Variants in NRXN3 observed in about 807,000 individuals in gnomAD.
NRXN3 encodes neurexin 3.
Under a neutral mutation model 137.6 loss-of-function variants are expected in NRXN3, and 32 were observed. The observed-to-expected ratio is 0.23, with a 90% confidence interval of 0.18 to 0.31. The LOEUF (loss-of-function observed/expected upper bound fraction) is 0.31. Among genes scored for constraint, NRXN3 ranks in the 10% least tolerant of loss-of-function variants. The probability of loss-of-function intolerance (pLI) is 1.00; values close to 1 mark genes in which losing one functional copy is unlikely to be tolerated. For missense variants in NRXN3, 1,574 were observed against 2,062.5 expected (o/e 0.76, Z 4.59); for synonymous variants, 798 against 784.5 (o/e 1.02, Z -0.29).
chr14:78,749,860 T>C (rs1385843728), intron 8 of NRXN3, among the ~76,000 whole-genome samples: 2 of 152,208 alleles, frequency 1.3e-5, no homozygotes, highest in Non-Finnish European at 2.9e-5. Context: ...CTTGTTCTAG[T>C]AAGTGGTGTG....
chr14:79,653,569 G>A (rs190404680), intron 16 of NRXN3, among the ~76,000 whole-genome samples: 1 of 152,112 alleles, frequency 6.6e-6, no homozygotes, highest in Non-Finnish European at 1.5e-5. Flanking sequence ...CTCTGCATCT[G>A]CAGCTGACCT....
chr14:78,978,913 G>A (rs552498136), intron 14 of NRXN3, among the ~76,000 whole-genome samples: 2 of 151,982 alleles, frequency 1.3e-5, no homozygotes. Context: ...AATGGGGGTG[G>A]CAGGGGCAGA....
chr14:78,310,568 GC>G (rs1276931477), intron 4 of NRXN3, among the ~76,000 whole-genome samples: 1 of 151,952 alleles, frequency 6.6e-6, no homozygotes, highest in Non-Finnish European at 1.5e-5. Context: ...AAATGCCTTG[GC>G]CCAAATTGTT....
At chr14:79,822,018 A>G (rs1196692529) in intron 20 of NRXN3, among the ~76,000 whole-genome samples, 2 of 152,152 alleles carry the variant, frequency 1.3e-5, no homozygotes, top group African/African-American at 4.8e-5. Flanking sequence ...TCTACTGGAC[A>G]TTGTTGCCAT....
intron 13 of NRXN3, among the ~76,000 whole-genome samples, 165 bp from the exon 14 acceptor site, chr14:78,968,008 T>A (rs1025788435): frequency 1.3e-5 from 2 of 151,568 alleles, no homozygotes; most frequent in Non-Finnish European, 2.9e-5. Flanking sequence ...TTTCCTTTTT[T>A]TGCAGGGTAG....
At chr14:78,900,359 G>C (rs566649585) in intron 10 of NRXN3, among the ~76,000 whole-genome samples, 1 of 151,926 alleles carries the variant, frequency 6.6e-6, no homozygotes, top group South Asian at 2.1e-4. Flanking sequence ...TGAGTTTGTG[G>C]CTTCAGGTCC....
chr14:78,654,678 C>G (rs1413067742), intron 6 of NRXN3, among the ~76,000 whole-genome samples: 1 of 152,190 alleles, frequency 6.6e-6, no homozygotes, highest in Non-Finnish European at 1.5e-5. Context: ...CAGTTTGTGT[C>G]CACTTAACTA....
rs570029890 is a variant in NRXN3 at position 78,756,216 on chromosome 14, G to A, written c.2044+41077G>A. 5.3e-5 allele frequency among the ~76,000 whole-genome samples: 8 copies of A among 152,158 alleles called. No individual in the cohort carries two copies. The South Asian group carries it at 1.5e-3, about 28-fold the overall frequency. On this transcript the variant is annotated intron_variant, in intron 8 of 20. Coordinates refer to ENST00000335750, the MANE Select transcript of NRXN3 (RefSeq NM_001330195.2). ...TTTAAATGGTTCACTAGCCGGGTGCGGTGGCTCATGTCTGTAATCCTAGCA... is the reference window on the plus strand; with the variant it reads ...TTTAAATGGTTCACTAGCCGGGTGCAGTGGCTCATGTCTGTAATCCTAGCA...
intron 4 of NRXN3, among the ~76,000 whole-genome samples, chr14:78,519,872 A>G (rs1241898227): frequency 1.3e-5 from 2 of 152,210 alleles, no homozygotes; most frequent in Non-Finnish European, 2.9e-5. Flanking sequence ...AGCATGCTGG[A>G]ACACAAGAAA....
intron 1 of NRXN3, among the ~76,000 whole-genome samples, chr14:78,192,593 G>A (rs756756436): frequency 2.0e-5 from 3 of 152,110 alleles, no homozygotes; most frequent in Non-Finnish European, 4.4e-5. Flanking sequence ...GACATATTTT[G>A]GTGATACTCT....
chr14:79,548,398 A>G (rs2097341825), intron 16 of NRXN3, among the ~76,000 whole-genome samples: 2 of 152,228 alleles, frequency 1.3e-5, no homozygotes, highest in South Asian at 2.1e-4. Context: ...ATAATATTCC[A>G]TGGTGTATAT....
At chr14:79,417,298 C>T (rs1464856040) in intron 15 of NRXN3, among the ~76,000 whole-genome samples, 1 of 152,042 alleles carries the variant, frequency 6.6e-6, no homozygotes, top group African/African-American at 2.4e-5. Flanking sequence ...TAAATGTGAA[C>T]ATTAAGTTTT....
chr14:78,817,240 C>T (rs1255451509), intron 10 of NRXN3, among the ~76,000 whole-genome samples: 2 of 152,128 alleles, frequency 1.3e-5, no homozygotes, highest in Admixed American at 6.5e-5. Flanking sequence ...GTTGCTTCAA[C>T]TCTTAGTTTC....
chr14:78,485,662 T>C (rs1424148298), intron 4 of NRXN3, among the ~76,000 whole-genome samples: 2 of 152,232 alleles, frequency 1.3e-5, no homozygotes, highest in Non-Finnish European at 2.9e-5. Flanking sequence ...CAGAGAGCCC[T>C]TGGCCACTTT....
intron 15 of NRXN3, among the ~76,000 whole-genome samples, chr14:79,006,701 G>A (rs1022634589): frequency 6.6e-6 from 1 of 151,984 alleles, no homozygotes; most frequent in Non-Finnish European, 1.5e-5. Flanking sequence ...ATTAAAAATG[G>A]CTAGAATAGC....
At chr14:78,925,937 T>C (rs1287643898) in intron 10 of NRXN3, among the ~76,000 whole-genome samples, 1 of 152,208 alleles carries the variant, frequency 6.6e-6, no homozygotes, top group African/African-American at 2.4e-5. Flanking sequence ...AATTATATTA[T>C]GTAAAACTCA....
chr14:79,542,551 T>C (rs1160270162), intron 16 of NRXN3, among the ~76,000 whole-genome samples: 2 of 152,146 alleles, frequency 1.3e-5, no homozygotes, highest in Non-Finnish European at 2.9e-5. Flanking sequence ...CATCTGATAG[T>C]TGTAATAGCA....
At chr14:79,021,233 G>A (rs1030620115) in intron 15 of NRXN3, among the ~76,000 whole-genome samples, 10 of 152,112 alleles carry the variant, frequency 6.6e-5, no homozygotes, top group Admixed American at 2.6e-4. Context: ...GCTCAGGGTC[G>A]CCTGGCTTGT....
At chr14:79,431,953 C>T (rs530572746) in intron 15 of NRXN3, among the ~76,000 whole-genome samples, 5 of 152,202 alleles carry the variant, frequency 3.3e-5, no homozygotes, top group East Asian at 3.9e-4. Flanking sequence ...GGTATCCTTG[C>T]TTTTCTCCCT....
Sources: gnomAD v4.1 joint callset for allele counts (sites outside exome capture counted in the v4.1 genomes callset) on GRCh38, gnomAD v4.1.1 for gene constraint, MANE v1.5 for transcripts, NCBI Gene and HGNC (gene_info 2026-07-23, HGNC 2026-07-21) for gene names.